The following ANKRD13A variants were observed in gnomAD, a reference collection of about 807,000 sequenced individuals.
ANKRD13A encodes the protein ankyrin repeat domain 13A.
ANKRD13A carries 48 observed loss-of-function variants against 81.3 expected under a neutral mutation model. The ratio of observed to expected loss-of-function variants is 0.59; its 90% CI spans 0.47 to 0.75. ANKRD13A has a LOEUF of 0.75. Among genes scored for constraint, ANKRD13A ranks in the 30% least tolerant of loss-of-function variants. The pLI is 0.00. For missense variants in ANKRD13A, 612 were observed against 734.0 expected (o/e 0.83, Z 1.92); for synonymous variants, 230 against 270.1 (o/e 0.85, Z 1.45).
chr12:110,026,982 CTTGT>C (rs1891381402), intron 8 of ANKRD13A: 1 of 152,174 alleles, frequency 6.6e-6, no homozygotes, highest in South Asian at 2.1e-4. Context: ...TTCGTGAGGG[CTTGT>C]TTATGTGTTA....
At chr12:110,024,146 A>G (rs1239119885) in intron 7 of ANKRD13A, 34 bp downstream of exon 7, 3 of 1,550,374 alleles carry the variant, frequency 1.9e-6, no homozygotes, top group Non-Finnish European at 1.7e-6. Flanking sequence ...GATTTAATAT[A>G]GCTATTTAGC....
intron 1 of ANKRD13A, among the ~76,000 whole-genome samples, chr12:110,011,512 A>G (rs541239681): frequency 1.3e-5 from 2 of 152,308 alleles, no homozygotes; most frequent in Admixed American, 1.3e-4. Flanking sequence ...CAATAATGAG[A>G]GTGGTGTTTT....
At chr12:110,022,854 T>C (rs1056991685) in intron 6 of ANKRD13A, among the ~76,000 whole-genome samples, 2 of 152,214 alleles carry the variant, frequency 1.3e-5, no homozygotes, top group Non-Finnish European at 2.9e-5. Context: ...ATAATACTTT[T>C]AGGATTCCTC....
intron 7 of ANKRD13A, among the ~76,000 whole-genome samples, chr12:110,025,218 T>C (rs760164877): frequency 2.0e-5 from 3 of 152,022 alleles, no homozygotes; most frequent in Non-Finnish European, 4.4e-5. Context: ...TAACCAGTCA[T>C]AGTAGCACAT....
intron 6 of ANKRD13A, chr12:110,021,575 T>A: frequency 6.5e-6 from 1 of 152,924 alleles, no homozygotes; most frequent in Non-Finnish European, 1.5e-5. Flanking sequence ...ATAGGCACCC[T>A]CCATCATGCC....
intron 13 of ANKRD13A, among the ~76,000 whole-genome samples, chr12:110,035,904 G>A (rs995091423): frequency 5.3e-5 from 8 of 152,274 alleles, no homozygotes; most frequent in African/African-American, 1.4e-4. Context: ...AACAGAGTGC[G>A]ACCCTGTCTC....
chr12:110,016,332 A>G (rs1890802976), intron 3 of ANKRD13A, 56 bp from the exon 4 acceptor site: 7 of 1,318,496 alleles, frequency 5.3e-6, no homozygotes, highest in Non-Finnish European at 7.2e-6. Flanking sequence ...ACCCCTGCTT[A>G]TGTTGTGTTG....
rs1252130272 is a variant in ANKRD13A at position 109,999,537 on chromosome 12, G to A, written c.-152G>A. ...GCCGGCGACCCCGGACCTCCCGCGC[G>A]CCCCGCACCCGACCGGCTCAGCCGG... On this transcript the variant is annotated 5_prime_UTR_variant, in exon 1 of 15. Transcript: ENST00000261739. This position sits in a 1 kb window ranked among gnomAD's most constrained non-coding sequence, Gnocchi z 4.3. 10 of 445,524 alleles carry A rather than the reference G, an allele frequency of 2.2e-5. No homozygotes were observed. The East Asian group carries it at 3.8e-4, about 17-fold the overall frequency. The allele number at this position is 445,524 out of a possible 1,614,324, so 27.6% of individuals were successfully genotyped here. A position where few individuals can be genotyped will look rare whatever the true frequency, so the allele number is the denominator to read the frequency against.
At chr12:110,029,852 A>G (rs547814522) in intron 11 of ANKRD13A, among the ~76,000 whole-genome samples, 3 of 152,314 alleles carry the variant, frequency 2.0e-5, no homozygotes, top group East Asian at 3.9e-4. Context: ...ATCTCCAACC[A>G]TCATTTCTAT....
chr12:110,014,280 C>T (rs979823863), intron 3 of ANKRD13A, among the ~76,000 whole-genome samples: 3 of 151,972 alleles, frequency 2.0e-5, no homozygotes, highest in Non-Finnish European at 4.4e-5. Context: ...GGTGTGGTGG[C>T]GGGCGCCTGT....
Position 110,023,333 on chromosome 12 carries a change from A to G in ANKRD13A, c.735-713A>G, listed in dbSNP as rs1456194222. 1.3e-5 allele frequency among the ~76,000 whole-genome samples: 2 copies of G among 152,146 alleles called. 1 individual carries two copies. Among genetic ancestry groups the G allele is most frequent in the Middle Eastern group, 6.3e-3 (2 of 316 alleles). On this transcript the variant is annotated intron_variant, in intron 6 of 14. Coordinates refer to ENST00000261739, the MANE Select transcript of ANKRD13A (RefSeq NM_033121.2). ...AGGAGTATGTTGAGTTGAATAACTG[A>G]GATTTTGGGCATATTACCAATGCTG...
At chr12:110,011,867 C>A in intron 1 of ANKRD13A, 138 bp from the exon 2 acceptor site, 1 of 773,218 alleles carries the variant, frequency 1.3e-6, no homozygotes, top group Non-Finnish European at 1.9e-6. Context: ...CAAATGCAAA[C>A]ATACCTTCTT....
chr12:110,023,231 C>T (rs1049834074), intron 6 of ANKRD13A, among the ~76,000 whole-genome samples: 2 of 152,110 alleles, frequency 1.3e-5, no homozygotes, highest in Admixed American at 6.6e-5. Flanking sequence ...TGAGAGGGAG[C>T]GTTTCCCAGG....
rs1477320867 is a variant in ANKRD13A, at chr12:110,028,556, C to T, written c.990C>T (p.Ile330=). ...CTACTGCAAACAACCCCACAGCCAT[C>T]ACGCCTGATGAGTACTTCAATGAAG... ...ECATANNPTA[I]TPDEYFNEEF... is the part of the protein sequence containing the mutation. The change falls in exon 10 of 15, where the codon ATC becomes ATT. Residue 330 remains isoleucine (I), a synonymous_variant. Transcript: ENST00000261739. 6.2e-7 allele frequency: 1 copy of T among 1,614,184 alleles called. No homozygotes were observed. Among genetic ancestry groups the T allele is most frequent in the African/African-American group, 1.3e-5 (1 of 75,038 alleles).
At chr12:110,021,266 A>G (rs1178348170) in intron 6 of ANKRD13A, 1 of 369,808 alleles carries the variant, frequency 2.7e-6, no homozygotes, top group Non-Finnish European at 5.6e-6. Context: ...GATTGATACC[A>G]GCTACGAAAA....
In ANKRD13A at chr12:110,037,639, G is replaced by T. The variant is rs1369401211; in HGVS notation, c.*85G>T. 3.6e-6 allele frequency: 5 copies of T among 1,405,100 alleles called. No homozygotes were observed. Among genetic ancestry groups the T allele is most frequent in the Admixed American group, 2.3e-5 (1 of 43,626 alleles). 87.0% of individuals were successfully genotyped at this position (1,405,100 alleles called of 1,614,324 possible). On this transcript the variant is annotated 3_prime_UTR_variant, in exon 15 of 15. Transcript: ENST00000261739. Reference sequence around the variant, plus strand: ...GTCAACCAGGGCCCTAGGGCTAAGGGCCTGCACCTTGCGTGCATGCAGCAG... The same window carrying T: ...GTCAACCAGGGCCCTAGGGCTAAGGTCCTGCACCTTGCGTGCATGCAGCAG...
chr12:110,014,301 A>T (rs945613808), intron 3 of ANKRD13A, among the ~76,000 whole-genome samples: 6 of 152,096 alleles, frequency 3.9e-5, no homozygotes, highest in Non-Finnish European at 7.4e-5. Flanking sequence ...AGTCCCAGCT[A>T]CTCAGGAGGC....
intron 1 of ANKRD13A, among the ~76,000 whole-genome samples, chr12:110,008,277 C>G (rs1346782050): frequency 6.6e-6 from 1 of 152,066 alleles, no homozygotes; most frequent in East Asian, 1.9e-4. Context: ...TTTGTTTTAT[C>G]CTATGATATG....
chr12:110,020,204 T>G (rs535587756), intron 6 of ANKRD13A, among the ~76,000 whole-genome samples: 314 of 152,304 alleles, frequency 2.1e-3, no homozygotes, highest in Non-Finnish European at 3.8e-3. Context: ...GCTATTATCC[T>G]TATAGTATTT....
Sources: allele counts gnomAD v4.1 joint callset (sites outside exome capture counted in the v4.1 genomes callset), GRCh38; gene constraint gnomAD v4.1.1; non-coding constraint Gnocchi (gnomAD v3.1); transcripts MANE v1.5; gene names NCBI Gene and HGNC (gene_info 2026-07-23, HGNC 2026-07-21).